RAB30: variants seen among roughly 807,000 people sequenced by gnomAD.
The protein encoded by RAB30 is RAB30, member RAS oncogene family.
A neutral mutation model predicts 25.1 loss-of-function variants in RAB30; 9 were observed. The observed-to-expected ratio is 0.36, with a 90% CI of 0.22 to 0.63. The LOEUF (loss-of-function observed/expected upper bound fraction) is 0.63. Ranked by LOEUF, RAB30 falls within the 20% of genes least tolerant of loss-of-function variation. The pLI is 0.69. For synonymous variants in RAB30, 77 were observed against 86.4 expected, an observed-to-expected ratio of 0.89 and a Z score of 0.60; for missense variants, 140 against 243.5, an observed-to-expected ratio of 0.58 and a Z score of 2.83.
intron 1 of RAB30, among the ~76,000 whole-genome samples, chr11:82,999,106 T>C (rs1238158549): frequency 2.0e-5 from 3 of 152,200 alleles, no homozygotes; most frequent in Non-Finnish European, 4.4e-5. Context: ...AGGAAAAACA[T>C]TTCTCTGTAC....
At chr11:82,989,595 G>T (rs1856809416) in intron 3 of RAB30, among the ~76,000 whole-genome samples, 1 of 152,192 alleles carries the variant, frequency 6.6e-6, no homozygotes, top group South Asian at 2.1e-4. Flanking sequence ...TTTTAAAGCT[G>T]CACTGAGCCC....
chr11:83,051,230 G>T (rs528912088), intron 1 of RAB30, among the ~76,000 whole-genome samples: 1 of 152,110 alleles, frequency 6.6e-6, no homozygotes. Context: ...AGGAGCCTGG[G>T]TGCCCGAAAC....
At chr11:83,026,357 T>C (rs1857713549) in intron 1 of RAB30, among the ~76,000 whole-genome samples, 2 of 152,344 alleles carry the variant, frequency 1.3e-5, no homozygotes, top group East Asian at 1.9e-4. Context: ...GTGTGAGGTG[T>C]TTGGATCATG....
Position 82,977,823 on chromosome 11 carries a change from T to C in RAB30, c.*4342A>G, listed in dbSNP as rs1259244711. On this transcript the variant is annotated 3_prime_UTR_variant, in exon 5 of 5. Coordinates refer to ENST00000527633, the MANE Select transcript of RAB30 (RefSeq NM_001286060.2). Reference sequence around the variant, plus strand: ...TAATAACATTCCAACATCAAGGGACTGAGGAGAGGAGATGAAATGCCATCT... The same window carrying C: ...TAATAACATTCCAACATCAAGGGACCGAGGAGAGGAGATGAAATGCCATCT... 1 of 152,214 alleles carries C rather than the reference T, an allele frequency of 6.6e-6. No individual in the cohort carries two copies. Among genetic ancestry groups the C allele is most frequent in the South Asian group, 2.1e-4 (1 of 4,832 alleles). 9.4% of individuals were successfully genotyped at this position (152,214 alleles called of 1,614,324 possible).
At chr11:83,014,032 G>T (rs1321312438) in intron 1 of RAB30, among the ~76,000 whole-genome samples, 2 of 152,186 alleles carry the variant, frequency 1.3e-5, no homozygotes, top group African/African-American at 2.4e-5. Context: ...ATATCCAGAA[G>T]CAGGGGATAC....
intron 1 of RAB30, among the ~76,000 whole-genome samples, chr11:83,001,046 CAAAAAAAAAAAAA>C (rs1181057652): frequency 5.6e-5 from 3 of 53,634 alleles, no homozygotes; most frequent in Admixed American, 2.5e-4. Flanking sequence ...GACTCCGTCT[CAAAAAAAAAAAAA>C]AAAAAAAAAA....
chr11:83,050,616 G>A (rs1191349326), intron 1 of RAB30, among the ~76,000 whole-genome samples: 1 of 152,224 alleles, frequency 6.6e-6, no homozygotes, highest in Non-Finnish European at 1.5e-5. Flanking sequence ...ACCAAGGCAT[G>A]AAATTATAGA....
intron 4 of RAB30, among the ~76,000 whole-genome samples, chr11:82,984,919 T>G (rs1401260898): frequency 6.6e-6 from 1 of 152,134 alleles, no homozygotes; most frequent in Non-Finnish European, 1.5e-5. Context: ...ACTGGCAAAG[T>G]CGGAACAATG....
At chr11:83,015,919 C>A (rs1245534903) in intron 1 of RAB30, among the ~76,000 whole-genome samples, 1 of 152,164 alleles carries the variant, frequency 6.6e-6, no homozygotes, top group African/African-American at 2.4e-5. Context: ...AGGCAGATCC[C>A]TTGAGACCAG....
At chr11:83,036,801 A>C (rs1296775177) in intron 1 of RAB30, among the ~76,000 whole-genome samples, 1 of 152,242 alleles carries the variant, frequency 6.6e-6, no homozygotes, top group Non-Finnish European at 1.5e-5. Context: ...CGCAGGCAAT[A>C]GATACAAGAA....
At chr11:83,030,472 TG>T (rs1387514735) in intron 1 of RAB30, among the ~76,000 whole-genome samples, 1 of 151,982 alleles carries the variant, frequency 6.6e-6, no homozygotes, top group Non-Finnish European at 1.5e-5. Flanking sequence ...TACTCCAGCC[TG>T]AGAAACAAAG....
Position 82,980,620 on chromosome 11 carries a change from C to T in RAB30, c.*1545G>A, listed in dbSNP as rs1856620775. 6.6e-6 allele frequency: 1 copy of T among 152,234 alleles called. No homozygotes were observed. The highest frequency in any genetic ancestry group is 1.5e-5 in the Non-Finnish European group (1 of 68,054). The allele number at this position is 152,234 out of a possible 1,614,324, so 9.4% of individuals were successfully genotyped here. ...CTACAGAAACATCTGACAGCATCAA[C>T]AGCATACAGGTTTAATTATTTTCCC... On this transcript the variant is annotated 3_prime_UTR_variant, in exon 5 of 5. Transcript: ENST00000527633.
chr11:83,031,286 A>C (rs1224948155), intron 1 of RAB30, among the ~76,000 whole-genome samples: 1 of 152,242 alleles, frequency 6.6e-6, no homozygotes, highest in African/African-American at 2.4e-5. Flanking sequence ...ATCTGGTTAT[A>C]ATTCTTAAGT....
Position 82,975,857 on chromosome 11 carries a change from T to A in RAB30, c.*6308A>T, listed in dbSNP as rs993879678. The A allele has an allele frequency of 1.3e-5, 2 of 152,178 alleles. No homozygotes were observed. The highest frequency in any genetic ancestry group is 2.4e-5 in the African/African-American group (1 of 41,456). The allele number at this position is 152,178 out of a possible 1,614,324, so 9.4% of individuals were successfully genotyped here. A position where few individuals can be genotyped will look rare whatever the true frequency, so the allele number is the denominator to read the frequency against. The stretch of plus-strand genomic sequence containing the variant: ...TATTTTTTCTGACTGTTATTTTTTT[T>A]AAATAGGCAAAAGAGCAATAATAAA... On this transcript the variant is annotated 3_prime_UTR_variant, in exon 5 of 5. Transcript: ENST00000527633.
At chr11:83,036,738 C>A (rs1187281579) in intron 1 of RAB30, among the ~76,000 whole-genome samples, 3 of 152,108 alleles carry the variant, frequency 2.0e-5, no homozygotes, top group African/African-American at 4.8e-5. Flanking sequence ...GAGATGTGAG[C>A]TGAGACCTGA....
At chr11:83,024,442 C>A (rs1312447462) in intron 1 of RAB30, among the ~76,000 whole-genome samples, 1 of 152,200 alleles carries the variant, frequency 6.6e-6, no homozygotes, top group African/African-American at 2.4e-5. Context: ...AACTAAGGAA[C>A]CAATGCAGTA....
rs1856557495 is a variant in RAB30 at position 82,977,042 on chromosome 11, T to A, written c.*5123A>T. 6.6e-6 allele frequency: 1 copy of A among 152,212 alleles called. No individual in the cohort carries two copies. Among genetic ancestry groups the A allele is most frequent in the Non-Finnish European group, 1.5e-5 (1 of 68,038 alleles). The allele number at this position is 152,212 out of a possible 1,614,324, so 9.4% of individuals were successfully genotyped here. On this transcript the variant is annotated 3_prime_UTR_variant, in exon 5 of 5. Coordinates refer to ENST00000527633, the MANE Select transcript of RAB30 (RefSeq NM_001286060.2). ...CCAGCCCATCTCTCTTGGGAGTTGG[T>A]CTGTTTGTGAGAACTTTAACAGAAG... is the stretch of plus-strand genomic sequence containing the variant.
At chr11:83,041,316 G>A (rs549858607) in intron 1 of RAB30, 32 of 180,458 alleles carry the variant, frequency 1.8e-4, no homozygotes, top group African/African-American at 7.5e-4. Flanking sequence ...CATGCTCCTG[G>A]TTCTATAGCT....
intron 3 of RAB30, among the ~76,000 whole-genome samples, chr11:82,991,506 CAA>C (rs35298951): frequency 3.2e-4 from 21 of 65,862 alleles, no homozygotes; most frequent in South Asian, 1.6e-3. Flanking sequence ...GACCCTTTCT[CAA>C]AAAAAAAAAA....
Sources: gnomAD v4.1 joint callset for allele counts (sites outside exome capture counted in the v4.1 genomes callset) on GRCh38, gnomAD v4.1.1 for gene constraint, MANE v1.5 for transcripts, NCBI Gene and HGNC (gene_info 2026-07-23, HGNC 2026-07-21) for gene names.